Variants in FAM20B observed in about 807,000 individuals in gnomAD.
The protein encoded by FAM20B is glycosaminoglycan xylosylkinase.
FAM20B carries 23 observed loss-of-function variants against 43.8 expected under a neutral mutation model. That is an observed-to-expected ratio of 0.53 (90% confidence interval 0.38 to 0.74). The LOEUF is 0.74. Among genes scored for constraint, FAM20B ranks in the 30% least tolerant of loss-of-function variants. The pLI, the probability that FAM20B is intolerant of heterozygous loss-of-function variation, is 0.00. For missense variants in FAM20B, 440 were observed against 510.5 expected, an observed-to-expected ratio of 0.86 and a Z score of 1.33; for synonymous variants, 178 against 192.4, an observed-to-expected ratio of 0.93 and a Z score of 0.62.
At chr1:179,071,564 CA>C (rs1211997063) in intron 7 of FAM20B, among the ~76,000 whole-genome samples, 12 of 152,254 alleles carry the variant, frequency 7.9e-5, no homozygotes, top group African/African-American at 2.9e-4. Context: ...ACTAAATTTT[CA>C]AAATTGTTTT....
intron 1 of FAM20B, among the ~76,000 whole-genome samples, chr1:179,028,453 A>C (rs760218829): frequency 4.6e-5 from 7 of 152,206 alleles, no homozygotes; most frequent in Non-Finnish European, 1.0e-4. Context: ...ATGGTGGTGC[A>C]CGCCTGTAGT....
intron 1 of FAM20B, among the ~76,000 whole-genome samples, chr1:179,027,759 A>G (rs1272944969): frequency 6.6e-6 from 1 of 152,226 alleles, no homozygotes; most frequent in Non-Finnish European, 1.5e-5. Flanking sequence ...GGTATGCTCT[A>G]TTCGTTTCTC....
intron 7 of FAM20B, among the ~76,000 whole-genome samples, chr1:179,070,738 T>G (rs1326840462): frequency 2.2e-4 from 33 of 151,686 alleles, no homozygotes; most frequent in Admixed American, 2.0e-3. Flanking sequence ...TTGGCCAGCC[T>G]GGTCTTGAAC....
At position 179,075,983 on chromosome 1, in the gene FAM20B, G is replaced by A. The variant is rs957908328; in HGVS notation, c.*3839G>A. 2.6e-5 allele frequency: 4 copies of A among 152,124 alleles called. No homozygotes were observed. The highest frequency in any genetic ancestry group is 2.9e-5 in the Non-Finnish European group (2 of 68,038). 9.4% of individuals were successfully genotyped at this position (152,124 alleles called of 1,614,324 possible). A position where few individuals can be genotyped will look rare whatever the true frequency, so the allele number is the denominator to read the frequency against. ...AAAAGTATATGTAATGTATATAGTC[G>A]TATATGTATTCTAGCAAGAAAAACA... On this transcript the variant is annotated 3_prime_UTR_variant, in exon 8 of 8. Coordinates refer to ENST00000263733, the MANE Select transcript of FAM20B (RefSeq NM_014864.4).
chr1:179,070,016 G>A (rs1651847375), intron 7 of FAM20B, among the ~76,000 whole-genome samples: 2 of 152,022 alleles, frequency 1.3e-5, no homozygotes, highest in Non-Finnish European at 2.9e-5. Context: ...TGCTGTAACA[G>A]GATACCACAG....
upstream of FAM20B, among the ~76,000 whole-genome samples, chr1:179,023,026 C>G (rs975896521): frequency 3.3e-5 from 5 of 152,100 alleles, no homozygotes; most frequent in Non-Finnish European, 7.4e-5. Flanking sequence ...CAAGTGAGCC[C>G]CTTAGGTTGG....
chr1:179,048,151 G>A (rs1650858103), intron 2 of FAM20B, among the ~76,000 whole-genome samples: 2 of 152,038 alleles, frequency 1.3e-5, no homozygotes, highest in Admixed American at 6.6e-5. Flanking sequence ...GGCAAAAACA[G>A]CAGTTATGTT....
intron 7 of FAM20B, among the ~76,000 whole-genome samples, chr1:179,070,918 A>G (rs527591542): frequency 5.3e-5 from 8 of 152,180 alleles, no homozygotes; most frequent in Non-Finnish European, 1.0e-4. Context: ...TACTGTTACA[A>G]TGGCAATTTC....
At chr1:179,047,351 T>C (rs1650815320) in intron 2 of FAM20B, among the ~76,000 whole-genome samples, 1 of 152,150 alleles carries the variant, frequency 6.6e-6, no homozygotes, top group African/African-American at 2.4e-5. Context: ...ATCACTATGT[T>C]CCCCAGCTTT....
upstream of FAM20B, among the ~76,000 whole-genome samples, chr1:179,021,592 G>A (rs1649605161): frequency 6.6e-6 from 1 of 152,142 alleles, no homozygotes; most frequent in Admixed American, 6.5e-5. Flanking sequence ...ACAGTTAAGT[G>A]ATACACAGCT....
intron 1 of FAM20B, among the ~76,000 whole-genome samples, chr1:179,040,229 T>C (rs371315017): frequency 6.6e-6 from 1 of 152,198 alleles, no homozygotes; most frequent in Non-Finnish European, 1.5e-5. Flanking sequence ...TCATGGCCCG[T>C]TCCCAGTGAG....
At chr1:179,046,954 C>T (rs1024715564) in intron 2 of FAM20B, among the ~76,000 whole-genome samples, 2 of 152,114 alleles carry the variant, frequency 1.3e-5, no homozygotes, top group African/African-American at 4.8e-5. Flanking sequence ...GAGATCACGC[C>T]ATTGCACTCC....
chr1:179,066,910 C>G, intron 7 of FAM20B, 51 bp downstream of exon 7: 1 of 1,307,298 alleles, frequency 7.6e-7, no homozygotes, highest in Admixed American at 1.7e-5. Context: ...CTTTTCCAGG[C>G]TCAGGTAACA....
chr1:179,028,688 G>C (rs934420661), intron 1 of FAM20B, among the ~76,000 whole-genome samples: 47 of 152,300 alleles, frequency 3.1e-4, no homozygotes, highest in African/African-American at 1.0e-3. Context: ...TTGGGATGGG[G>C]AACACAGTTA....
intron 2 of FAM20B, among the ~76,000 whole-genome samples, chr1:179,046,982 C>T (rs1296183221): frequency 3.9e-5 from 6 of 151,966 alleles, no homozygotes; most frequent in African/African-American, 1.2e-4. Context: ...GCAACAGGAG[C>T]GAAACTCCGT....
rs1326186298 is a variant in FAM20B, at chr1:179,073,652, T to G, written c.*1508T>G. The G allele has an allele frequency of 6.6e-6, 1 of 152,182 alleles. No homozygotes were observed. Among genetic ancestry groups the G allele is most frequent in the East Asian group, 1.9e-4 (1 of 5,184 alleles). 9.4% of individuals were successfully genotyped at this position (152,182 alleles called of 1,614,324 possible). ...TTTTAAGCCTTCTGAGCCTTGAAAT[T>G]GAGGAGGTTAAAAGGAAGAGCCTTA... On this transcript the variant is annotated 3_prime_UTR_variant, in exon 8 of 8. Transcript: ENST00000263733.
chr1:179,053,071 A>G (rs1215995546), intron 3 of FAM20B, among the ~76,000 whole-genome samples: 1 of 152,224 alleles, frequency 6.6e-6, no homozygotes, highest in African/African-American at 2.4e-5. Context: ...TTTGATGTTA[A>G]CTAACTATAA....
chr1:179,033,929 G>A (rs1489022935), intron 1 of FAM20B, among the ~76,000 whole-genome samples: 4 of 152,166 alleles, frequency 2.6e-5, no homozygotes, highest in Non-Finnish European at 5.9e-5. Context: ...CCTACCTTGG[G>A]TGATCCGCCC....
intron 4 of FAM20B, among the ~76,000 whole-genome samples, chr1:179,062,634 A>G (rs1651518685): frequency 6.6e-6 from 1 of 152,112 alleles, no homozygotes; most frequent in African/African-American, 2.4e-5. Context: ...TGGGCAACAG[A>G]GCGAGACTCC....
Sources: allele counts gnomAD v4.1 joint callset (sites outside exome capture counted in the v4.1 genomes callset), GRCh38; gene constraint gnomAD v4.1.1; transcripts MANE v1.5; gene names NCBI Gene and HGNC (gene_info 2026-07-23, HGNC 2026-07-21).